CDH18: variants seen among roughly 807,000 people sequenced by gnomAD.
CDH18 encodes cadherin-18.
A neutral mutation model predicts 67.9 loss-of-function variants in CDH18; 31 were observed. The ratio of observed to expected loss-of-function variants is 0.46; its 90% CI spans 0.34 to 0.62. The LOEUF (loss-of-function observed/expected upper bound fraction) is 0.62, where lower values mean the gene tolerates loss of function less well. CDH18 is among the 20% of genes least tolerant of loss of function. The pLI is 0.01. For synonymous variants in CDH18, 362 were observed against 347.2 expected (o/e 1.04, Z -0.48); for missense variants, 890 against 975.5 (o/e 0.91, Z 1.17).
intron 1 of CDH18, chr5:20,305,493 T>C: frequency 8.5e-7 from 1 of 1,178,100 alleles, no homozygotes; most frequent in Non-Finnish European, 1.3e-6. Context: ...CGCTGGGTCT[T>C]GGGTGCCGCG....
At chr5:19,839,284 T>G (rs548515754) in intron 2 of CDH18, 42 bp from the exon 3 acceptor site, 2 of 337,558 alleles carry the variant, frequency 5.9e-6, no homozygotes, top group South Asian at 3.6e-5. Flanking sequence ...AAACACGGTT[T>G]TTTTAACTAT....
chr5:20,245,770 A>G (rs1275377988), intron 2 of CDH18, among the ~76,000 whole-genome samples: 10 of 152,258 alleles, frequency 6.6e-5, no homozygotes, highest in Non-Finnish European at 1.3e-4. Context: ...TGTAGCACAG[A>G]AATCCTTAGT....
chr5:19,818,919 A>C (rs1190865081), intron 3 of CDH18, among the ~76,000 whole-genome samples: 2 of 152,114 alleles, frequency 1.3e-5, no homozygotes, highest in Non-Finnish European at 2.9e-5. Flanking sequence ...GTAATCCTTC[A>C]ATTATTTTAA....
intron 3 of CDH18, chr5:19,803,780 G>A (rs1363157965): frequency 6.6e-6 from 1 of 152,098 alleles, no homozygotes; most frequent in Non-Finnish European, 1.5e-5. Flanking sequence ...GACGTTGATT[G>A]ATAAACTGGT....
chr5:20,233,667 T>C (rs1353749923), intron 2 of CDH18, among the ~76,000 whole-genome samples: 3 of 152,082 alleles, frequency 2.0e-5, no homozygotes, highest in South Asian at 4.1e-4. Flanking sequence ...TGTGTATTTA[T>C]TTAAGAATGA....
At chr5:19,483,836 T>C (rs1446678348) in intron 11 of CDH18, among the ~76,000 whole-genome samples, 2 of 152,170 alleles carry the variant, frequency 1.3e-5, no homozygotes, top group Non-Finnish European at 2.9e-5. Context: ...CTAATAGCTA[T>C]AAGATTTAAA....
chr5:20,036,937 C>G (rs992394711), intron 2 of CDH18, among the ~76,000 whole-genome samples: 2 of 152,038 alleles, frequency 1.3e-5, no homozygotes, highest in Admixed American at 1.3e-4. Context: ...GATTGCAACC[C>G]CTGCTTTTTT....
chr5:20,029,823 T>C (rs1044483994), intron 2 of CDH18, among the ~76,000 whole-genome samples: 1 of 152,186 alleles, frequency 6.6e-6, no homozygotes, highest in African/African-American at 2.4e-5. Context: ...GTCCTATATA[T>C]AAGAAGCAAA....
intron 2 of CDH18, among the ~76,000 whole-genome samples, chr5:19,971,132 A>T (rs1797979365): frequency 1.3e-5 from 2 of 152,008 alleles, no homozygotes; most frequent in Non-Finnish European, 2.9e-5. Flanking sequence ...AAAGCAAAGC[A>T]TGCTTATTGA....
At chr5:20,053,442 C>T (rs1484261091) in intron 2 of CDH18, among the ~76,000 whole-genome samples, 2 of 151,884 alleles carry the variant, frequency 1.3e-5, no homozygotes, top group Non-Finnish European at 2.9e-5. Flanking sequence ...CTCCCACCAC[C>T]ATTCTAATCT....
intron 1 of CDH18, among the ~76,000 whole-genome samples, chr5:20,389,926 G>C (rs1744686960): frequency 6.6e-6 from 1 of 152,106 alleles, no homozygotes; most frequent in South Asian, 2.1e-4. Context: ...GGGAAAACTG[G>C]CTAGCCATAG....
Position 19,473,415 on chromosome 5 carries a change from G to A in CDH18, c.2184C>T (p.Ser728=), listed in dbSNP as rs1279662292. 1 of 1,613,692 alleles carries A rather than the reference G, an allele frequency of 6.2e-7. No homozygotes were observed. Reference sequence around the variant, plus strand: ...TCTGAAGAGAGTCATAAGGGGGAACGCTAGGGTCTAGGTCTGCTTCTGCCA... The same window carrying A: ...TCTGAAGAGAGTCATAAGGGGGAACACTAGGGTCTAGGTCTGCTTCTGCCA... ...QRLAEADLDP[S]VPPYDSLQTY... is the part of the protein sequence containing the mutation. Residue 728 remains serine (S), a synonymous_variant, in exon 13 of 13, where the codon AGC becomes AGT. Coordinates refer to ENST00000382275, the MANE Select transcript of CDH18 (RefSeq NM_004934.5).
At chr5:19,673,129 A>C (rs1438721470) in intron 5 of CDH18, among the ~76,000 whole-genome samples, 1 of 152,044 alleles carries the variant, frequency 6.6e-6, no homozygotes, top group Non-Finnish European at 1.5e-5. Context: ...GAAATGAGAG[A>C]TAATCCAGGG....
intron 5 of CDH18, among the ~76,000 whole-genome samples, chr5:19,651,485 C>G (rs1283741608): frequency 6.6e-6 from 1 of 152,042 alleles, no homozygotes; most frequent in Non-Finnish European, 1.5e-5. Context: ...TCAGCATACC[C>G]TATCAGTATC....
intron 7 of CDH18, among the ~76,000 whole-genome samples, chr5:19,582,416 C>T (rs527560050): frequency 1.1e-4 from 16 of 151,958 alleles, no homozygotes; most frequent in East Asian, 1.9e-4. Context: ...AAGTTTCAAA[C>T]GATTTATTAC....
chr5:20,272,806 G>C (rs777101925), intron 1 of CDH18, among the ~76,000 whole-genome samples: 3 of 151,824 alleles, frequency 2.0e-5, no homozygotes, highest in Non-Finnish European at 4.4e-5. Flanking sequence ...AAATAATTTT[G>C]AGGATGCAAC....
At chr5:20,167,558 G>T (rs1736389241) in intron 2 of CDH18, among the ~76,000 whole-genome samples, 1 of 152,052 alleles carries the variant, frequency 6.6e-6, no homozygotes, top group African/African-American at 2.4e-5. Flanking sequence ...AAAAACACTT[G>T]GTGCATAGTA....
chr5:20,047,289 A>G (rs1206054335), intron 2 of CDH18, among the ~76,000 whole-genome samples: 1 of 151,924 alleles, frequency 6.6e-6, no homozygotes, highest in Admixed American at 6.6e-5. Context: ...GGTGAACATC[A>G]ATAAATCCTT....
In CDH18 at chr5:20,510,036, C is replaced by T. The variant is rs572374259; in HGVS notation, c.-580+65426G>A. Reference sequence around the variant, plus strand: ...CAGTGTACGTGGTTCCCTTTCTCTACATCCTCATCAACATTTGTTATCTTT... The same window carrying T: ...CAGTGTACGTGGTTCCCTTTCTCTATATCCTCATCAACATTTGTTATCTTT... On this transcript the variant is annotated intron_variant, in intron 1 of 14. Coordinates refer to the CDH18 transcript ENST00000507958. 2.6e-5 allele frequency among the ~76,000 whole-genome samples: 4 copies of T among 152,242 alleles called. No individual in the cohort carries two copies. In the South Asian group the frequency reaches 8.3e-4, roughly 32 times the overall value.
Sources: allele counts gnomAD v4.1 joint callset (sites outside exome capture counted in the v4.1 genomes callset), GRCh38; gene constraint gnomAD v4.1.1; transcripts MANE v1.5; gene names NCBI Gene and HGNC (gene_info 2026-07-23, HGNC 2026-07-21).